Variants in SEPTIN2 observed in about 807,000 individuals in gnomAD.
The protein encoded by SEPTIN2 is septin 2.
SEPTIN2 carries 34 observed loss-of-function variants against 46.5 expected under a neutral mutation model. The observed-to-expected ratio is 0.73, with a 90% CI of 0.56 to 0.97. SEPTIN2 has a LOEUF of 0.97. SEPTIN2 is among the 50% of genes least tolerant of loss of function. The pLI is 0.00. For missense variants in SEPTIN2, 347 were observed against 448.4 expected, an observed-to-expected ratio of 0.77 and a Z score of 2.04; for synonymous variants, 175 against 153.4, an observed-to-expected ratio of 1.14 and a Z score of -1.04.
intron 7 of SEPTIN2, among the ~76,000 whole-genome samples, chr2:241,340,149 C>G (rs1225913136): frequency 6.6e-6 from 1 of 152,168 alleles, no homozygotes; most frequent in Non-Finnish European, 1.5e-5. Context: ...CTCTCCACCC[C>G]CTAAAACTGT....
chr2:241,324,968 G>GTTTTTTTT (rs34675314), intron 2 of SEPTIN2: 1 of 148,816 alleles, frequency 6.7e-6, no homozygotes. Flanking sequence ...TATTATTTCT[G>GTTTTTTTT]TTTTTTTTTT....
At chr2:241,327,658 A>C (rs1253418698) in intron 3 of SEPTIN2, among the ~76,000 whole-genome samples, 2 of 151,984 alleles carry the variant, frequency 1.3e-5, no homozygotes, top group East Asian at 1.9e-4. Context: ...GCTACCAGAA[A>C]CTACTGATGA....
In SEPTIN2 at chr2:241,325,709, C is replaced by T. The variant is rs138738196; in HGVS notation, c.10-284C>T. The stretch of plus-strand genomic sequence containing the variant: ...GCATTAAGATGTATTAAGCATGTAT[C>T]TTCTATGTATTGTTAAATTCCTAAA... On this transcript the variant is annotated intron_variant, in intron 2 of 12. Transcript: ENST00000391971. Among the ~76,000 whole-genome samples, 108 of 152,102 alleles carry T rather than the reference C, an allele frequency of 7.1e-4. 3 individuals are homozygous for T. In the East Asian group the frequency reaches 0.019, roughly 26 times the overall value.
chr2:241,347,700 C>G (rs1021383530), intron 10 of SEPTIN2, among the ~76,000 whole-genome samples: 2 of 152,114 alleles, frequency 1.3e-5, no homozygotes, highest in African/African-American at 4.8e-5. Context: ...TCATTCTGTT[C>G]CCTTTTTATT....
At chr2:241,337,814 C>T (rs2080285387) in intron 7 of SEPTIN2, 24 bp downstream of exon 7, 1 of 1,551,776 alleles carries the variant, frequency 6.4e-7, no homozygotes, top group Non-Finnish European at 8.9e-7. Context: ...GCGTCCTGCC[C>T]TCCCTCTGGG....
chr2:241,337,206 G>T, intron 5 of SEPTIN2, 176 bp from the exon 6 acceptor site: 1 of 593,532 alleles, frequency 1.7e-6, no homozygotes, highest in Non-Finnish European at 2.9e-6. Context: ...AGTTATGCTT[G>T]GCATAGTTTC....
At position 241,336,469 on chromosome 2, in the gene SEPTIN2, C is replaced by T. The variant is rs573325547; in HGVS notation, c.341+371C>T. ...GTGTCTGTAAATGACTGCTCATTGG[C>T]ATCATTTTCACAAATAAGGAAATGA... On this transcript the variant is annotated intron_variant, in intron 5 of 12. Coordinates refer to ENST00000391971, the MANE Select transcript of SEPTIN2 (RefSeq NM_004404.5). 3.2e-4 allele frequency: 63 copies of T among 195,400 alleles called. 1 individual carries two copies. In the South Asian group the frequency reaches 4.3e-3, roughly 13 times the overall value. 12.1% of individuals were successfully genotyped at this position (195,400 alleles called of 1,614,324 possible).
chr2:241,329,888 T>A (rs62193165), intron 3 of SEPTIN2, among the ~76,000 whole-genome samples: 25,605 of 152,262 alleles, frequency 0.17, 2,631 homozygotes, highest in Admixed American at 0.35. Context: ...GACCTAATGC[T>A]TGCTTGGACC....
At chr2:241,325,808 T>C (rs1559603773) in intron 2 of SEPTIN2, among the ~76,000 whole-genome samples, 185 bp from the exon 3 acceptor site, 1 of 152,242 alleles carries the variant, frequency 6.6e-6, no homozygotes, top group Non-Finnish European at 1.5e-5. Flanking sequence ...AGTTTTTCTT[T>C]TTTTAATGCT....
chr2:241,331,515 C>G (rs2079005184), intron 3 of SEPTIN2, among the ~76,000 whole-genome samples: 1 of 152,136 alleles, frequency 6.6e-6, no homozygotes, highest in South Asian at 2.1e-4. Flanking sequence ...TCAGCCTCCC[C>G]AAGTAGCTGG....
intron 7 of SEPTIN2, among the ~76,000 whole-genome samples, chr2:241,340,771 C>T (rs2081147262): frequency 6.6e-6 from 1 of 152,128 alleles, no homozygotes; most frequent in Non-Finnish European, 1.5e-5. Context: ...CCTCATTAAT[C>T]ACTTCTCTTC....
chr2:241,347,982 TC>T, intron 10 of SEPTIN2, 151 bp from the exon 11 acceptor site: 1 of 513,744 alleles, frequency 1.9e-6, no homozygotes, highest in Non-Finnish European at 3.5e-6. Flanking sequence ...GCCACTACAC[TC>T]CAGCCCGTGC....
rs2077665021 is a variant in SEPTIN2 at position 241,324,704 on chromosome 2, T to C, written c.9+463T>C. On this transcript the variant is annotated intron_variant, in intron 2 of 12. Coordinates refer to ENST00000391971, the MANE Select transcript of SEPTIN2 (RefSeq NM_004404.5). ...CTGGCCTAATTGTCATCTTAAAAGC[T>C]TGGAGCTTTCTCTTTTTTCAGGCTT... 2.6e-5 allele frequency: 5 copies of C among 194,142 alleles called. No individual in the cohort carries two copies. In the South Asian group the frequency reaches 3.8e-4, roughly 15 times the overall value. The allele number at this position is 194,142 out of a possible 1,614,324, so 12.0% of individuals were successfully genotyped here. A position where few individuals can be genotyped will look rare whatever the true frequency, so the allele number is the denominator to read the frequency against.
chr2:241,350,248 C>T (rs1575414799), intron 12 of SEPTIN2, 45 bp downstream of exon 12: 2 of 1,134,600 alleles, frequency 1.8e-6, no homozygotes, highest in South Asian at 1.6e-5. Context: ...CAGTTACTAA[C>T]ATTGTGTCAG....
chr2:241,338,973 AATATATAAATATATTTATAAAT>A (rs2080839956), intron 7 of SEPTIN2, among the ~76,000 whole-genome samples: 2 of 86,742 alleles, frequency 2.3e-5, no homozygotes, highest in Admixed American at 2.1e-4. Context: ...TTATAAATAT[AATATATAAATATATTTATAAAT>A]ATATATAAAT....
intron 7 of SEPTIN2, among the ~76,000 whole-genome samples, chr2:241,339,023 T>C (rs1333886631): frequency 8.5e-6 from 1 of 118,122 alleles, no homozygotes; most frequent in East Asian, 2.1e-4. Context: ...TTATACATTA[T>C]ATTTATATAC....
At chr2:241,316,351 T>A in intron 1 of SEPTIN2, 1 of 567,346 alleles carries the variant, frequency 1.8e-6, no homozygotes, top group Non-Finnish European at 2.8e-6. Flanking sequence ...AGGATACAGG[T>A]TTAGGCCCGA....
chr2:241,323,594 T>C (rs1362577863), intron 1 of SEPTIN2, among the ~76,000 whole-genome samples: 2 of 152,190 alleles, frequency 1.3e-5, no homozygotes, highest in Non-Finnish European at 2.9e-5. Context: ...TAATGATAGA[T>C]GCTTGTCTTA....
chr2:241,323,915 C>T (rs2077525802), intron 1 of SEPTIN2, among the ~76,000 whole-genome samples: 1 of 152,218 alleles, frequency 6.6e-6, no homozygotes, highest in African/African-American at 2.4e-5. Context: ...ATAAGGATCT[C>T]TCATCTCCCA....
Sources: allele counts gnomAD v4.1 joint callset (sites outside exome capture counted in the v4.1 genomes callset), GRCh38; gene constraint gnomAD v4.1.1; transcripts MANE v1.5; gene names NCBI Gene and HGNC (gene_info 2026-07-23, HGNC 2026-07-21).